Variants in ZSWIM6 observed in about 807,000 individuals in gnomAD.
The protein encoded by ZSWIM6 is zinc finger SWIM-type containing 6.
A neutral mutation model predicts 113.2 loss-of-function variants in ZSWIM6; 9 were observed. The observed-to-expected ratio is 0.08, with a 90% confidence interval of 0.05 to 0.14. The LOEUF is 0.14. ZSWIM6 is among the 10% of genes least tolerant of loss of function. The probability of loss-of-function intolerance (pLI) is 1.00; values close to 1 mark genes in which losing one functional copy is unlikely to be tolerated. For missense variants in ZSWIM6, 1,162 were observed against 1,552.2 expected (o/e 0.75, Z 4.22); for synonymous variants, 611 against 606.5 (o/e 1.01, Z -0.11).
chr5:61,409,460 C>G (rs1397780416), intron 1 of ZSWIM6, among the ~76,000 whole-genome samples: 1 of 152,066 alleles, frequency 6.6e-6, no homozygotes, highest in African/African-American at 2.4e-5. Flanking sequence ...CTATTAAGAC[C>G]ACCTTTGCGC....
At position 61,538,807 on chromosome 5, in the gene ZSWIM6, A is replaced by C. The variant is rs1192593007; in HGVS notation, c.2382-7A>C. ...TAGGGGCCACCTTCCTTGTCTTCTC[A>C]TTATAGGTTACTAGTATTGGAATCT... On this transcript the variant is annotated splice_polypyrimidine_tract_variant and splice_region_variant and intron_variant, in intron 10 of 13. Transcript: ENST00000252744. The C allele has an allele frequency of 1.3e-6, 2 of 1,549,300 alleles. No individual in the cohort carries two copies. Among genetic ancestry groups the C allele is most frequent in the Non-Finnish European group, 1.7e-6 (2 of 1,145,810 alleles).
chr5:61,404,754 C>A (rs577853081), intron 1 of ZSWIM6, among the ~76,000 whole-genome samples: 1 of 152,274 alleles, frequency 6.6e-6, no homozygotes, highest in African/African-American at 2.4e-5. Flanking sequence ...TCCAAACATT[C>A]CAATCACCTA....
At chr5:61,513,850 G>T (rs1245756611) in intron 4 of ZSWIM6, among the ~76,000 whole-genome samples, 1 of 151,928 alleles carries the variant, frequency 6.6e-6, no homozygotes, top group Non-Finnish European at 1.5e-5. Context: ...GTGCAGTTTT[G>T]ATTACTGTTG....
chr5:61,391,686 C>G (rs1745718579), intron 1 of ZSWIM6: 1 of 1,104,412 alleles, frequency 9.1e-7, no homozygotes, highest in Admixed American at 1.7e-5. Context: ...TGGATCCTGG[C>G]CTGTCGACTT....
chr5:61,510,583 T>TA (rs1182190528), intron 4 of ZSWIM6, among the ~76,000 whole-genome samples: 2 of 151,912 alleles, frequency 1.3e-5, no homozygotes, highest in Non-Finnish European at 2.9e-5. Flanking sequence ...ATCTTTTTGC[T>TA]AAAATCACTG....
At chr5:61,398,982 G>A (rs1369092204) in intron 1 of ZSWIM6, among the ~76,000 whole-genome samples, 1 of 134,964 alleles carries the variant, frequency 7.4e-6, no homozygotes, top group Non-Finnish European at 1.6e-5. Flanking sequence ...GAGTGCAGTG[G>A]TGCGATCTCT....
chr5:61,459,281 T>G (rs1270273170), intron 1 of ZSWIM6, among the ~76,000 whole-genome samples: 3 of 152,348 alleles, frequency 2.0e-5, no homozygotes, highest in Non-Finnish European at 2.9e-5. Flanking sequence ...GGCCAGTAGC[T>G]GATTTTTTTT....
intron 4 of ZSWIM6, among the ~76,000 whole-genome samples, chr5:61,514,593 A>C (rs1280101566): frequency 2.0e-5 from 3 of 152,118 alleles, no homozygotes; most frequent in Non-Finnish European, 4.4e-5. Flanking sequence ...AGGAATGTCA[A>C]ATTTTGCCAA....
chr5:61,438,977 G>C (rs745913087), intron 1 of ZSWIM6, among the ~76,000 whole-genome samples: 1 of 152,176 alleles, frequency 6.6e-6, no homozygotes, highest in Non-Finnish European at 1.5e-5. Flanking sequence ...ACAGCCAGGA[G>C]TCTGGCAGCT....
intron 1 of ZSWIM6, among the ~76,000 whole-genome samples, chr5:61,402,597 GACTA>G (rs1022633512): frequency 6.7e-4 from 102 of 151,942 alleles, no homozygotes; most frequent in African/African-American, 2.3e-3. Context: ...TGTTTTTAAT[GACTA>G]ACTTTCTTCA....
chr5:61,393,669 C>A (rs923679484), intron 1 of ZSWIM6, among the ~76,000 whole-genome samples: 1 of 149,508 alleles, frequency 6.7e-6, no homozygotes, highest in South Asian at 2.1e-4. Context: ...ACTCGGGGGG[C>A]GGAGGTTGCA....
intron 2 of ZSWIM6, among the ~76,000 whole-genome samples, chr5:61,480,169 G>A (rs532861137): frequency 3.2e-4 from 49 of 152,186 alleles, no homozygotes; most frequent in African/African-American, 1.0e-3. Flanking sequence ...ATTGGAGAAT[G>A]TACAAATACT....
Position 61,525,943 on chromosome 5 carries a change from C to T in ZSWIM6, c.1657C>T (p.Leu553Phe). ...TTACCATGACGACACTGAAAACTCC[C>T]TCTTCGACTCCCGCGGGTGGCCCCT... is the stretch of plus-strand genomic sequence containing the variant. ...YCYHDDTENS[L>F]FDSRGWPLWH... The change falls in exon 6 of 14, where the codon CTC becomes TTC. Residue 553 changes from leucine to phenylalanine, a missense_variant. Physicochemically the swap from Leu to Phe is conservative, Grantham distance 22. Coordinates refer to ENST00000252744, the MANE Select transcript of ZSWIM6 (RefSeq NM_020928.2). The T allele has an allele frequency of 1.3e-6, 2 of 1,552,188 alleles. No individual in the cohort carries two copies. Among genetic ancestry groups the T allele is most frequent in the African/African-American group, 1.4e-5 (1 of 73,190 alleles).
chr5:61,390,885 A>C, intron 1 of ZSWIM6: 2 of 893,562 alleles, frequency 2.2e-6, no homozygotes, highest in South Asian at 2.6e-5. Flanking sequence ...GTCTTTCAGC[A>C]TGACAAAGTC....
At chr5:61,333,413 C>T (rs1455831060) in intron 1 of ZSWIM6, among the ~76,000 whole-genome samples, 1 of 151,840 alleles carries the variant, frequency 6.6e-6, no homozygotes, top group Non-Finnish European at 1.5e-5. Context: ...CTCCCCCCCT[C>T]TCCCACTGCC....
rs1203630940 is a variant in ZSWIM6, at chr5:61,539,704, T to C, written c.2648T>C (p.Met883Thr). Residue 883 changes from methionine (M) to threonine (T), a missense_variant, in exon 12 of 14, where the codon ATG (methionine) becomes ACG (threonine). By Grantham distance (81) the Met-to-Thr change is moderately conservative. Transcript: ENST00000252744. The part of the protein sequence containing the change: ...AQDAFKIATL[M>T]DSLPDITLLK... ...GATGCATTTAAAATAGCAACTCTCA[T>C]GGACAGTTTGCCAGACATCACTCTT... 2 of 1,551,778 alleles carry C rather than the reference T, an allele frequency of 1.3e-6. No individual in the cohort carries two copies. Among genetic ancestry groups the C allele is most frequent in the South Asian group, 2.4e-5 (2 of 84,052 alleles).
chr5:61,467,324 G>C (rs1366253969), intron 1 of ZSWIM6, among the ~76,000 whole-genome samples: 1 of 152,076 alleles, frequency 6.6e-6, no homozygotes, highest in Non-Finnish European at 1.5e-5. Context: ...ATATTTTAGT[G>C]AACAGGGTGA....
chr5:61,491,045 G>T, intron 3 of ZSWIM6, 111 bp downstream of exon 3: 1 of 1,087,894 alleles, frequency 9.2e-7, no homozygotes, highest in Non-Finnish European at 1.2e-6. Flanking sequence ...TAAAGAACAG[G>T]GTCTTAGCTG....
chr5:61,375,098 C>T, intron 1 of ZSWIM6: 9 of 1,606,166 alleles, frequency 5.6e-6, no homozygotes, highest in Non-Finnish European at 7.7e-6. Flanking sequence ...CTACTGTGCG[C>T]GCGATCCAGC....
Sources: allele counts gnomAD v4.1 joint callset (sites outside exome capture counted in the v4.1 genomes callset), GRCh38; gene constraint gnomAD v4.1.1; transcripts MANE v1.5; gene names NCBI Gene and HGNC (gene_info 2026-07-23, HGNC 2026-07-21).